The following ANKFN1 variants were observed in gnomAD, a reference collection of about 807,000 sequenced individuals.
The protein encoded by ANKFN1 is ankyrin repeat and fibronectin type-III domain-containing protein 1.
Under a neutral mutation model 108.7 loss-of-function variants are expected in ANKFN1, and 74 were observed. The ratio of observed to expected loss-of-function variants is 0.68; its 90% CI spans 0.56 to 0.83. The LOEUF is 0.83. Ranked by LOEUF, ANKFN1 falls within the 40% of genes least tolerant of loss-of-function variation. ANKFN1 has a pLI of 0.00. For synonymous variants in ANKFN1, 547 were observed against 516.2 expected, an observed-to-expected ratio of 1.06 and a Z score of -0.81; for missense variants, 1,505 against 1,382.3, an observed-to-expected ratio of 1.09 and a Z score of -1.41.
At chr17:56,331,666 G>C (rs1397036086) in intron 4 of ANKFN1, among the ~76,000 whole-genome samples, 2 of 152,160 alleles carry the variant, frequency 1.3e-5, no homozygotes, top group Non-Finnish European at 2.9e-5. Context: ...TCCATTTACT[G>C]GCTGTAACAT....
At chr17:56,319,818 C>T (rs1284922042) in intron 3 of ANKFN1, among the ~76,000 whole-genome samples, 2 of 152,072 alleles carry the variant, frequency 1.3e-5, no homozygotes, top group Non-Finnish European at 2.9e-5. Flanking sequence ...TTGGCCAAAG[C>T]ATTTTATCAG....
intron 4 of ANKFN1, among the ~76,000 whole-genome samples, chr17:56,147,305 G>A (rs1163069373): frequency 6.6e-6 from 1 of 152,084 alleles, no homozygotes; most frequent in African/African-American, 2.4e-5. Context: ...ACATTTTTGG[G>A]TATCCTTATA....
intron 8 of ANKFN1, among the ~76,000 whole-genome samples, chr17:56,405,315 G>A (rs978559858): frequency 6.6e-6 from 1 of 152,166 alleles, no homozygotes; most frequent in African/African-American, 2.4e-5. Context: ...TGCAAGAAAT[G>A]CAACCTAAAA....
chr17:56,257,680 G>A (rs2144099662), intron 3 of ANKFN1, among the ~76,000 whole-genome samples: 1 of 152,290 alleles, frequency 6.6e-6, no homozygotes, highest in South Asian at 2.1e-4. Flanking sequence ...TCATCCAGGT[G>A]TTTAGCACAG....
intron 8 of ANKFN1, among the ~76,000 whole-genome samples, chr17:56,433,896 C>CT (rs1321552879): frequency 1.3e-5 from 2 of 151,940 alleles, no homozygotes; most frequent in African/African-American, 2.4e-5. Context: ...TTCTCCATCA[C>CT]TTTTTTAAGT....
At chr17:56,055,566 C>CACAT (rs1555588767) in intron 4 of ANKFN1, among the ~76,000 whole-genome samples, 23 of 47,446 alleles carry the variant, frequency 4.8e-4, no homozygotes, top group African/African-American at 2.6e-3. Context: ...GGTATATATA[C>CACAT]ATATATATAT....
At chr17:56,310,022 G>A (rs2044963931) in intron 3 of ANKFN1, among the ~76,000 whole-genome samples, 1 of 152,098 alleles carries the variant, frequency 6.6e-6, no homozygotes, top group South Asian at 2.1e-4. Context: ...ACATGATCCT[G>A]GATCGTTGAG....
chr17:56,480,600 T>C, intron 16 of ANKFN1, 68 bp from the exon 17 acceptor site: 1 of 1,534,806 alleles, frequency 6.5e-7, no homozygotes, highest in East Asian at 2.3e-5. Context: ...ACACATACAC[T>C]AAGAAAGTTC....
chr17:56,087,397 G>T (rs1330121955), intron 4 of ANKFN1, among the ~76,000 whole-genome samples: 1 of 151,356 alleles, frequency 6.6e-6, no homozygotes, highest in Non-Finnish European at 1.5e-5. Flanking sequence ...AACCCACTAT[G>T]TCCTTTCAGA....
intron 3 of ANKFN1, chr17:56,228,162 G>T (rs1916426094): frequency 6.0e-6 from 3 of 498,854 alleles, no homozygotes; most frequent in Non-Finnish European, 1.0e-5. Context: ...GAACTTAATT[G>T]TGGTTGTGAC....
rs780772542 is a variant in ANKFN1, at chr17:56,466,516, C to T, written c.1718C>T (p.Ser573Phe). 2.3e-5 allele frequency: 37 copies of T among 1,613,880 alleles called. No individual in the cohort carries two copies. The highest frequency in any genetic ancestry group is 2.5e-5 in the Non-Finnish European group (30 of 1,179,970). The change falls in exon 15 of 21, where the codon TCT becomes TTT. Residue 573 changes from serine to phenylalanine, a missense_variant. Ser to Phe is a radical substitution (Grantham distance 155). Coordinates refer to ENST00000682825, the MANE Select transcript of ANKFN1 (RefSeq NM_001370326.1). Reference sequence around the variant, plus strand: ...TCAAAGCTGCAAAGCCAGAGAAAGTCTCTATCAACACCTGAGGAGCCAACA... The same window carrying T: ...TCAAAGCTGCAAAGCCAGAGAAAGTTTCTATCAACACCTGAGGAGCCAACA... ...QISKLQSQRK[S>F]LSTPEEPTAL...
At chr17:56,177,660 A>T (rs948116720) in intron 1 of ANKFN1, among the ~76,000 whole-genome samples, 4 of 152,236 alleles carry the variant, frequency 2.6e-5, no homozygotes, top group African/African-American at 9.6e-5. Context: ...TGTTTGAGAA[A>T]CCACATTCCT....
In ANKFN1 at chr17:56,331,182, T is replaced by C. The variant is rs563359270; in HGVS notation, c.188+4827T>C. On this transcript the variant is annotated intron_variant, in intron 4 of 20. Coordinates refer to ENST00000682825, the MANE Select transcript of ANKFN1 (RefSeq NM_001370326.1). ...ATTGCTTCTAGAGCTTCTCAAATCA[T>C]AGTACATTTGCAGCTGCTAATTCCA... Among the ~76,000 whole-genome samples the C allele has an allele frequency of 9.8e-5, 15 of 152,292 alleles. No individual in the cohort carries two copies. The South Asian group carries it at 2.9e-3, about 29-fold the overall frequency.
chr17:56,257,018 G>A (rs2043375406), intron 3 of ANKFN1, among the ~76,000 whole-genome samples: 1 of 152,210 alleles, frequency 6.6e-6, no homozygotes, highest in Non-Finnish European at 1.5e-5. Context: ...CTATCCTGGT[G>A]ACCTTAGTGA....
intron 3 of ANKFN1, among the ~76,000 whole-genome samples, chr17:56,269,294 G>A (rs568617650): frequency 6.6e-6 from 1 of 152,260 alleles, no homozygotes; most frequent in Non-Finnish European, 1.5e-5. Context: ...TAAGGTGATT[G>A]TACCATTTTA....
At chr17:56,200,110 T>C (rs571693955) in intron 1 of ANKFN1, among the ~76,000 whole-genome samples, 1 of 152,308 alleles carries the variant, frequency 6.6e-6, no homozygotes, top group South Asian at 2.1e-4. Flanking sequence ...CTCTTGAGTA[T>C]TACTGGAACA....
chr17:56,470,117 C>A (rs981773215), intron 15 of ANKFN1, among the ~76,000 whole-genome samples: 2 of 152,208 alleles, frequency 1.3e-5, no homozygotes, highest in African/African-American at 4.8e-5. Flanking sequence ...AGGACATGAT[C>A]TCATTCCTTC....
intron 10 of ANKFN1, among the ~76,000 whole-genome samples, chr17:56,448,253 T>C (rs1291949522): frequency 6.6e-6 from 1 of 151,662 alleles, no homozygotes; most frequent in African/African-American, 2.4e-5. Flanking sequence ...GAAGAAGGGA[T>C]GGACTCTGAA....
Position 56,093,450 on chromosome 17 carries a change from C to T in ANKFN1, c.288+47125C>T, listed in dbSNP as rs760168842. On this transcript the variant is annotated intron_variant, in intron 4 of 12. Coordinates refer to the ANKFN1 transcript ENST00000635860. ...TATAGGGAAGATTTTAAGCATCAGG[C>T]AGTCTTCCCATTTGCTTATGCACAA... Among the ~76,000 whole-genome samples, 9 of 151,234 alleles carry T rather than the reference C, an allele frequency of 6.0e-5. 1 individual carries two copies. Among genetic ancestry groups the T allele is most frequent in the African/African-American group, 2.2e-4 (9 of 41,184 alleles).
Sources: allele counts gnomAD v4.1 joint callset (sites outside exome capture counted in the v4.1 genomes callset), GRCh38; gene constraint gnomAD v4.1.1; transcripts MANE v1.5; gene names NCBI Gene and HGNC (gene_info 2026-07-23, HGNC 2026-07-21).